NIPSNAP2: variants seen among roughly 807,000 people sequenced by gnomAD.
NIPSNAP2 encodes nipsnap homolog 2.
A neutral mutation model predicts 48.4 loss-of-function variants in NIPSNAP2; 42 were observed. That is an observed-to-expected ratio of 0.87 (90% CI 0.68 to 1.12). The LOEUF (loss-of-function observed/expected upper bound fraction) is 1.12. Ranked by LOEUF, NIPSNAP2 falls within the 50% of genes most tolerant of loss-of-function variation. The pLI, the probability that NIPSNAP2 is intolerant of heterozygous loss-of-function variation, is 0.00. For synonymous variants in NIPSNAP2, 158 were observed against 126.6 expected, an observed-to-expected ratio of 1.25 and a Z score of -1.67; for missense variants, 314 against 347.3, an observed-to-expected ratio of 0.90 and a Z score of 0.76.
chr7:55,966,400 A>T (rs1786896276), intron 1 of NIPSNAP2, among the ~76,000 whole-genome samples: 1 of 152,114 alleles, frequency 6.6e-6, no homozygotes. Flanking sequence ...TGAGCCCAGG[A>T]GTTTGAGACC....
intron 8 of NIPSNAP2, among the ~76,000 whole-genome samples, chr7:55,996,381 T>C (rs986106170): frequency 6.6e-6 from 1 of 151,984 alleles, no homozygotes; most frequent in Non-Finnish European, 1.5e-5. Context: ...CTGAAGCGCC[T>C]TTCTTCCTAT....
intron 3 of NIPSNAP2, 128 bp downstream of exon 3, chr7:55,978,523 GCTCTT>G: frequency 1.1e-6 from 1 of 871,440 alleles, no homozygotes; most frequent in Non-Finnish European, 1.7e-6. Context: ...ACATTCAGAG[GCTCTT>G]AAACTGAGCT....
chr7:55,998,563 C>T (rs1337659071), intron 9 of NIPSNAP2, among the ~76,000 whole-genome samples: 20 of 133,034 alleles, frequency 1.5e-4, no homozygotes, highest in Admixed American at 3.6e-4. Flanking sequence ...TGCAGTGACG[C>T]GATCTCGGCT....
chr7:55,971,498 C>G (rs1787014892), intron 1 of NIPSNAP2, among the ~76,000 whole-genome samples: 1 of 152,122 alleles, frequency 6.6e-6, no homozygotes, highest in African/African-American at 2.4e-5. Flanking sequence ...TGGTCTTGCT[C>G]TGTTGCCCGG....
chr7:55,967,040 C>G (rs1026283626), intron 1 of NIPSNAP2, among the ~76,000 whole-genome samples: 1 of 152,236 alleles, frequency 6.6e-6, no homozygotes, highest in African/African-American at 2.4e-5. Context: ...AGAAGGGCGT[C>G]CTCCCGGGAG....
intron 1 of NIPSNAP2, among the ~76,000 whole-genome samples, chr7:55,971,118 C>T (rs1787008468): frequency 6.6e-6 from 1 of 152,128 alleles, no homozygotes; most frequent in Non-Finnish European, 1.5e-5. Context: ...ACCATCTTGG[C>T]GATTGTCACT....
At chr7:55,993,736 T>A (rs1250149715) in intron 7 of NIPSNAP2, among the ~76,000 whole-genome samples, 1 of 152,012 alleles carries the variant, frequency 6.6e-6, no homozygotes, top group South Asian at 2.1e-4. Context: ...GAAGACTGTT[T>A]CAAAAAAAAT....
intron 1 of NIPSNAP2, among the ~76,000 whole-genome samples, chr7:55,976,643 T>C (rs539445184): frequency 2.0e-5 from 3 of 152,294 alleles, no homozygotes; most frequent in South Asian, 4.1e-4. Context: ...CCCAGCACTT[T>C]GAGAGGCTGA....
intron 3 of NIPSNAP2, chr7:55,978,719 C>G (rs1467561391): frequency 1.1e-5 from 3 of 269,210 alleles, no homozygotes; most frequent in Non-Finnish European, 2.1e-5. Flanking sequence ...GACTGCCTGT[C>G]CTGAAGTAAG....
intron 3 of NIPSNAP2, chr7:55,978,722 G>A (rs1787153041): frequency 3.7e-6 from 1 of 267,474 alleles, no homozygotes; most frequent in Non-Finnish European, 7.1e-6. Context: ...TGCCTGTCCT[G>A]AAGTAAGTTC....
intron 4 of NIPSNAP2, 105 bp downstream of exon 4, chr7:55,981,672 GTCTCAGTCTAAT>G (rs1787219675): frequency 1.2e-5 from 8 of 668,222 alleles, no homozygotes; most frequent in Non-Finnish European, 2.0e-5. Flanking sequence ...AGCTTTCCAA[GTCTCAGTCTAAT>G]TTTATGATTA....
chr7:55,978,553 C>T (rs571469744), intron 3 of NIPSNAP2, 158 bp downstream of exon 3: 13 of 685,344 alleles, frequency 1.9e-5, no homozygotes, highest in Middle Eastern at 4.1e-4. Flanking sequence ...GTGGGATTGC[C>T]GAAGGCGTTT....
intron 1 of NIPSNAP2, among the ~76,000 whole-genome samples, chr7:55,967,514 T>G (rs908741764): frequency 2.6e-5 from 4 of 152,134 alleles, no homozygotes; most frequent in Non-Finnish European, 5.9e-5. Context: ...TTGCCCAGGC[T>G]GGAGTTTAAT....
intron 7 of NIPSNAP2, among the ~76,000 whole-genome samples, chr7:55,985,281 C>G (rs900612486): frequency 6.6e-6 from 1 of 152,100 alleles, no homozygotes; most frequent in Non-Finnish European, 1.5e-5. Context: ...TCTTGGATAT[C>G]ATCTTTTCTG....
At chr7:55,979,940 C>A in intron 3 of NIPSNAP2, 1 of 439,592 alleles carries the variant, frequency 2.3e-6, no homozygotes, top group Non-Finnish European at 4.5e-6. Context: ...AGAGGAGTGG[C>A]TACAAATCCA....
At chr7:55,979,772 T>G in intron 3 of NIPSNAP2, 1 of 456,646 alleles carries the variant, frequency 2.2e-6, no homozygotes, top group Non-Finnish European at 4.4e-6. Context: ...GCTCCCTGTT[T>G]GCAGAACATA....
chr7:55,968,748 G>A (rs1218015213), intron 1 of NIPSNAP2, among the ~76,000 whole-genome samples: 5 of 152,150 alleles, frequency 3.3e-5, no homozygotes, highest in African/African-American at 7.2e-5. Flanking sequence ...ATATAGGGCC[G>A]GGTGTGGTGG....
At chr7:55,991,525 T>C (rs1045470167) in intron 7 of NIPSNAP2, among the ~76,000 whole-genome samples, 2 of 151,964 alleles carry the variant, frequency 1.3e-5, no homozygotes, top group Non-Finnish European at 2.9e-5. Context: ...GATGGGCAGA[T>C]CACCTGAGGT....
Position 55,967,632 on chromosome 7 carries a change from ATTATTTATTTAT to A in NIPSNAP2, c.92+2954_92+2965del, listed in dbSNP as rs61430146. Among the ~76,000 whole-genome samples, 221 of 142,810 alleles carry A rather than the reference ATTATTTATTTAT, an allele frequency of 1.5e-3. 1 individual carries two copies. The highest frequency in any genetic ancestry group is 2.7e-3 in the Non-Finnish European group (181 of 65,854). The allele number at this position is 142,810 out of a possible 152,430, so 93.7% of individuals were successfully genotyped here. ...CAGGCCCACACCACCATGCCCAGCT[ATTATTTATTTAT>A]TTATTTATTTATTTATTTATTTGAG... is the stretch of plus-strand genomic sequence containing the variant. On this transcript the variant is annotated intron_variant, in intron 1 of 9. Transcript: ENST00000322090.
Sources: allele counts gnomAD v4.1 joint callset (sites outside exome capture counted in the v4.1 genomes callset), GRCh38; gene constraint gnomAD v4.1.1; transcripts MANE v1.5; gene names NCBI Gene and HGNC (gene_info 2026-07-23, HGNC 2026-07-21).